Variants in MAGI2 observed in about 807,000 individuals in gnomAD.
MAGI2 encodes the protein membrane associated guanylate kinase, WW and PDZ domain containing 2.
Under a neutral mutation model 133.3 loss-of-function variants are expected in MAGI2, and 35 were observed. That is an observed-to-expected ratio of 0.26 (90% CI 0.20 to 0.35). MAGI2 has a LOEUF of 0.35. Ranked by LOEUF, MAGI2 falls within the 10% of genes least tolerant of loss-of-function variation. MAGI2 has a pLI of 1.00. For synonymous variants in MAGI2, 729 were observed against 710.6 expected (o/e 1.03, Z -0.41); for missense variants, 1,636 against 1,863.4 (o/e 0.88, Z 2.25).
At chr7:78,548,831 T>A (rs1253496897) in intron 3 of MAGI2, among the ~76,000 whole-genome samples, 5 of 152,254 alleles carry the variant, frequency 3.3e-5, no homozygotes, top group Non-Finnish European at 1.5e-5. Flanking sequence ...AATTATTTTT[T>A]CTTTGATTTA....
chr7:79,142,009 C>T (rs181517290), intron 1 of MAGI2, among the ~76,000 whole-genome samples: 61 of 152,146 alleles, frequency 4.0e-4, no homozygotes, highest in Non-Finnish European at 1.5e-5. Context: ...AGGTTATTTA[C>T]CATACACAAA....
At chr7:78,034,649 T>TC (rs1809979274) in intron 21 of MAGI2, among the ~76,000 whole-genome samples, 1 of 152,132 alleles carries the variant, frequency 6.6e-6, no homozygotes, top group South Asian at 2.1e-4. Context: ...TGCCTCAGCC[T>TC]CCCTAGTAGC....
At chr7:79,308,280 CTTATGAAAT>C (rs1209544558) in intron 1 of MAGI2, among the ~76,000 whole-genome samples, 2 of 152,120 alleles carry the variant, frequency 1.3e-5, no homozygotes, top group Non-Finnish European at 2.9e-5. Context: ...TCCCACTGCT[CTTATGAAAT>C]AGATTCTGCT....
chr7:78,717,058 A>T (rs1819778951), intron 2 of MAGI2, among the ~76,000 whole-genome samples: 1 of 152,070 alleles, frequency 6.6e-6, no homozygotes, highest in Non-Finnish European at 1.5e-5. Context: ...TCAGCAGCCC[A>T]GCATACCATT....
At chr7:78,749,006 C>T (rs1823202036) in intron 2 of MAGI2, among the ~76,000 whole-genome samples, 1 of 152,160 alleles carries the variant, frequency 6.6e-6, no homozygotes, top group Admixed American at 6.6e-5. Flanking sequence ...TAAAGATGAG[C>T]TAGTGGTGAA....
chr7:79,244,432 G>T (rs1381775875), intron 1 of MAGI2, among the ~76,000 whole-genome samples: 9 of 152,212 alleles, frequency 5.9e-5, no homozygotes. Flanking sequence ...GGTGCTGAGA[G>T]AGTCTGTGCA....
chr7:79,068,625 T>C (rs1157488672), intron 1 of MAGI2, among the ~76,000 whole-genome samples: 3 of 152,200 alleles, frequency 2.0e-5, no homozygotes, highest in African/African-American at 4.8e-5. Context: ...TCTTGTCTTC[T>C]GCTAGCTTTT....
At chr7:78,062,470 G>A (rs1347892357) in intron 21 of MAGI2, among the ~76,000 whole-genome samples, 1 of 152,226 alleles carries the variant, frequency 6.6e-6, no homozygotes, top group Non-Finnish European at 1.5e-5. Flanking sequence ...TCTCTGGGTG[G>A]TGCAACCACT....
intron 9 of MAGI2, among the ~76,000 whole-genome samples, chr7:78,267,026 C>T (rs1794088482): frequency 6.6e-6 from 1 of 152,158 alleles, no homozygotes; most frequent in African/African-American, 2.4e-5. Flanking sequence ...ACTGGTGGAG[C>T]TGCTTGGTCG....
chr7:78,542,758 G>T (rs2150674082), intron 3 of MAGI2, among the ~76,000 whole-genome samples: 1 of 152,278 alleles, frequency 6.6e-6, no homozygotes, highest in South Asian at 2.1e-4. Flanking sequence ...ATGACAGGAA[G>T]CAGATCATAC....
intron 9 of MAGI2, among the ~76,000 whole-genome samples, chr7:78,288,123 T>C (rs3847082): frequency 0.2 from 29,944 of 152,076 alleles, 4,724 homozygotes; most frequent in East Asian, 0.43. Context: ...GATCACTTAA[T>C]AAGCAGAATA....
intron 2 of MAGI2, among the ~76,000 whole-genome samples, chr7:78,657,047 T>C (rs1812374995): frequency 6.8e-6 from 1 of 146,766 alleles, no homozygotes; most frequent in African/African-American, 2.5e-5. Flanking sequence ...TTCAAGAAGA[T>C]ACAGGAGATG....
chr7:79,201,144 T>C (rs1418593953), intron 1 of MAGI2, among the ~76,000 whole-genome samples: 1 of 151,990 alleles, frequency 6.6e-6, no homozygotes, highest in Non-Finnish European at 1.5e-5. Flanking sequence ...TTAAACACCT[T>C]CTGGAAATGG....
chr7:78,323,062 G>A (rs116797508), intron 9 of MAGI2, among the ~76,000 whole-genome samples: 13 of 143,836 alleles, frequency 9.0e-5, no homozygotes, highest in Middle Eastern at 3.5e-3. Context: ...GTCTATGGAA[G>A]AAAAAAAAAA....
At position 78,458,023 on chromosome 7, in the gene MAGI2, C is replaced by T. The variant is rs549644454; in HGVS notation, c.1045+31738G>A. On this transcript the variant is annotated intron_variant, in intron 6 of 21. Coordinates refer to ENST00000354212, the MANE Select transcript of MAGI2 (RefSeq NM_012301.4). ...AAATGGAATAAAAGAGTAGGCTGGG[C>T]GTGGTGGCTAATGCTTGTAATCCCA... Among the ~76,000 whole-genome samples the T allele has an allele frequency of 2.0e-4, 30 of 152,144 alleles. 1 individual carries two copies. In the South Asian group the frequency reaches 5.6e-3, roughly 28 times the overall value.
chr7:79,428,003 C>T (rs766983992), intron 1 of MAGI2, among the ~76,000 whole-genome samples: 1 of 152,122 alleles, frequency 6.6e-6, no homozygotes, highest in Non-Finnish European at 1.5e-5. Context: ...AGAGAAGAGA[C>T]AGCATGAATT....
Position 78,612,992 on chromosome 7 carries a change from C to T in MAGI2, c.538+14128G>A, listed in dbSNP as rs144768237. 2.5e-3 allele frequency among the ~76,000 whole-genome samples: 384 copies of T among 152,094 alleles called. 2 individuals are homozygous for T. The highest frequency in any genetic ancestry group is 0.024 in the Middle Eastern group (7 of 294). On this transcript the variant is annotated intron_variant, in intron 3 of 21. Coordinates refer to ENST00000354212, the MANE Select transcript of MAGI2 (RefSeq NM_012301.4). ...GCCGAAAATGACGTTTTCTAAACTA[C>T]AAGGGACATAATTTATTAAATGATG...
chr7:79,155,064 T>C (rs552324394), intron 1 of MAGI2, among the ~76,000 whole-genome samples: 1 of 152,280 alleles, frequency 6.6e-6, no homozygotes, highest in East Asian at 1.9e-4. Flanking sequence ...ATTTTGGGTT[T>C]ATTAAAATTT....
chr7:78,877,275 A>G (rs935254812), intron 2 of MAGI2, among the ~76,000 whole-genome samples: 18 of 152,276 alleles, frequency 1.2e-4, no homozygotes, highest in Admixed American at 7.8e-4. Context: ...AAAATACTGT[A>G]CTTATCTGCT....
Sources: allele counts gnomAD v4.1 joint callset (sites outside exome capture counted in the v4.1 genomes callset), GRCh38; gene constraint gnomAD v4.1.1; transcripts MANE v1.5; gene names NCBI Gene and HGNC (gene_info 2026-07-23, HGNC 2026-07-21).